FHIT: variants seen among roughly 807,000 people sequenced by gnomAD.
FHIT encodes the protein bis(5'-adenosyl)-triphosphatase.
In FHIT, 19 loss-of-function variants were observed where a neutral mutation model predicts 17.9. That is an observed-to-expected ratio of 1.06 (90% CI 0.74 to 1.56). The LOEUF is 1.56. FHIT is among the 40% of genes most tolerant of loss of function. FHIT has a pLI of 0.00. For synonymous variants in FHIT, 81 were observed against 69.7 expected, an observed-to-expected ratio of 1.16 and a Z score of -0.81; for missense variants, 248 against 189.2, an observed-to-expected ratio of 1.31 and a Z score of -1.82.
chr3:60,574,457 G>T, intron 4 of FHIT, among the ~76,000 whole-genome samples: 1 of 151,440 alleles, frequency 6.6e-6, no homozygotes, highest in Non-Finnish European at 1.5e-5. Context: ...AATCAGTGTG[G>T]TACCTGGTGA....
rs74380983 is a variant in FHIT at position 60,840,546 on chromosome 3, A to T, written c.-110-18535T>A. Among the ~76,000 whole-genome samples, 116 of 152,342 alleles carry T rather than the reference A, an allele frequency of 7.6e-4. No individual in the cohort carries two copies. The East Asian group carries it at 0.021, about 27-fold the overall frequency. On this transcript the variant is annotated intron_variant, in intron 3 of 9. Coordinates refer to ENST00000492590, the MANE Select transcript of FHIT (RefSeq NM_002012.4). ...TGTTAATTAAATGTCAAAGGTTTTTATATCAAGGACAATAACACAAGCCAA... is the reference window on the plus strand; with the variant it reads ...TGTTAATTAAATGTCAAAGGTTTTTTTATCAAGGACAATAACACAAGCCAA...
intron 4 of FHIT, among the ~76,000 whole-genome samples, chr3:60,587,957 C>CTT (rs143677265): frequency 6.7e-6 from 1 of 149,286 alleles, no homozygotes; most frequent in East Asian, 2.0e-4. Flanking sequence ...GCCCCTTCTC[C>CTT]TTTTTTTTTT....
intron 4 of FHIT, among the ~76,000 whole-genome samples, chr3:60,736,342 G>A (rs1553712591): frequency 6.6e-6 from 1 of 151,976 alleles, no homozygotes; most frequent in Non-Finnish European, 1.5e-5. Context: ...AAATTAAAAA[G>A]TCCATAACCA....
At chr3:60,976,692 C>T (rs1710271254) in intron 3 of FHIT, among the ~76,000 whole-genome samples, 1 of 152,166 alleles carries the variant, frequency 6.6e-6, no homozygotes. Flanking sequence ...AGATGTGACA[C>T]ATGAAACAAA....
At chr3:61,125,493 T>G (rs1376452436) in intron 2 of FHIT, among the ~76,000 whole-genome samples, 1 of 152,182 alleles carries the variant, frequency 6.6e-6, no homozygotes, top group South Asian at 2.1e-4. Flanking sequence ...AATAACCTGA[T>G]GGATGATCTG....
chr3:60,209,876 T>A (rs567234089), intron 5 of FHIT, among the ~76,000 whole-genome samples: 2 of 150,760 alleles, frequency 1.3e-5, no homozygotes, highest in South Asian at 4.2e-4. Flanking sequence ...TAAGGGGGAG[T>A]TGAACAATGA....
intron 7 of FHIT, among the ~76,000 whole-genome samples, chr3:59,960,004 G>A (rs963302288): frequency 2.6e-5 from 4 of 152,130 alleles, no homozygotes; most frequent in Non-Finnish European, 5.9e-5. Flanking sequence ...AGAGCACATC[G>A]AGCAGGTCAA....
chr3:60,931,454 C>G (rs1035701218), intron 3 of FHIT, among the ~76,000 whole-genome samples: 20 of 152,206 alleles, frequency 1.3e-4, no homozygotes, highest in African/African-American at 1.9e-4. Flanking sequence ...ATGTGCAACT[C>G]ATTTTTCTAC....
chr3:60,630,346 A>G (rs1553682109), intron 4 of FHIT, among the ~76,000 whole-genome samples: 1 of 152,182 alleles, frequency 6.6e-6, no homozygotes, highest in Non-Finnish European at 1.5e-5. Context: ...ATCAGCCTCT[A>G]CCCTATTCCC....
At chr3:60,799,947 T>A (rs1411246269) in intron 4 of FHIT, among the ~76,000 whole-genome samples, 3 of 152,208 alleles carry the variant, frequency 2.0e-5, no homozygotes, top group Non-Finnish European at 4.4e-5. Context: ...AAATCATACA[T>A]ACTCAAAAGA....
chr3:60,585,322 A>T (rs1454474059), intron 4 of FHIT, among the ~76,000 whole-genome samples: 1 of 152,008 alleles, frequency 6.6e-6, no homozygotes, highest in Non-Finnish European at 1.5e-5. Flanking sequence ...CTACCTCTAC[A>T]ATCTTCAGAA....
intron 2 of FHIT, among the ~76,000 whole-genome samples, chr3:61,177,280 T>C (rs1036488117): frequency 2.0e-5 from 3 of 152,120 alleles, no homozygotes; most frequent in Non-Finnish European, 2.9e-5. Flanking sequence ...AATCTTTTCC[T>C]CTTTTTCTTA....
chr3:60,384,928 G>A (rs191443141), intron 5 of FHIT, among the ~76,000 whole-genome samples: 4 of 151,124 alleles, frequency 2.6e-5, no homozygotes, highest in Admixed American at 6.6e-5. Context: ...CCTTTCTTTC[G>A]CTCTATACAG....
At chr3:60,459,412 C>T (rs2032319904) in intron 5 of FHIT, among the ~76,000 whole-genome samples, 1 of 152,134 alleles carries the variant, frequency 6.6e-6, no homozygotes, top group African/African-American at 2.4e-5. Flanking sequence ...ATGAGACTGC[C>T]TGAGACTAAA....
At chr3:60,161,449 A>T (rs1700935353) in intron 5 of FHIT, among the ~76,000 whole-genome samples, 1 of 152,172 alleles carries the variant, frequency 6.6e-6, no homozygotes, top group Admixed American at 6.5e-5. Flanking sequence ...CACAATTATT[A>T]ATAGTGTAAT....
At chr3:60,155,734 A>C (rs1700659669) in intron 5 of FHIT, among the ~76,000 whole-genome samples, 1 of 152,092 alleles carries the variant, frequency 6.6e-6, no homozygotes, top group South Asian at 2.1e-4. Flanking sequence ...TACCACGTTG[A>C]CTCCATGCGT....
chr3:60,314,376 C>G (rs769986121), intron 5 of FHIT, among the ~76,000 whole-genome samples: 1 of 151,816 alleles, frequency 6.6e-6, no homozygotes, highest in Admixed American at 6.6e-5. Context: ...AACTGTAGGC[C>G]GTGAATGATT....
intron 8 of FHIT, among the ~76,000 whole-genome samples, chr3:59,888,018 T>C (rs986838319): frequency 2.0e-5 from 3 of 152,226 alleles, no homozygotes; most frequent in African/African-American, 4.8e-5. Flanking sequence ...TCAGTCTTTT[T>C]TCTTGGGTCT....
At chr3:60,781,503 G>A (rs542858244) in intron 4 of FHIT, among the ~76,000 whole-genome samples, 1 of 152,144 alleles carries the variant, frequency 6.6e-6, no homozygotes, top group African/African-American at 2.4e-5. Context: ...AGAAAAGGGA[G>A]AAATAATGAA....
Sources: gnomAD v4.1 joint callset for allele counts (sites outside exome capture counted in the v4.1 genomes callset) on GRCh38, gnomAD v4.1.1 for gene constraint, MANE v1.5 for transcripts, NCBI Gene and HGNC (gene_info 2026-07-23, HGNC 2026-07-21) for gene names.